RIT2: variants seen among roughly 807,000 people sequenced by gnomAD.
RIT2 encodes the protein Ras like without CAAX 2.
RIT2 carries 24 observed loss-of-function variants against 23.7 expected under a neutral mutation model. The observed-to-expected ratio is 1.01, with a 90% CI of 0.73 to 1.43. RIT2 has a LOEUF of 1.43. Ranked by LOEUF, RIT2 falls within the 40% of genes most tolerant of loss-of-function variation. The probability of loss-of-function intolerance (pLI) is 0.00; values close to 1 mark genes in which losing one functional copy is unlikely to be tolerated. For synonymous variants in RIT2, 107 were observed against 91.1 expected, an observed-to-expected ratio of 1.17 and a Z score of -0.99; for missense variants, 236 against 266.9, an observed-to-expected ratio of 0.88 and a Z score of 0.81.
At chr18:42,947,138 C>T (rs1425598874) in intron 3 of RIT2, among the ~76,000 whole-genome samples, 1 of 152,010 alleles carries the variant, frequency 6.6e-6, no homozygotes, top group African/African-American at 2.4e-5. Flanking sequence ...AGTTCTTAAT[C>T]CAAGCATTTA....
intron 3 of RIT2, among the ~76,000 whole-genome samples, chr18:42,945,848 T>C (rs940593716): frequency 1.3e-5 from 2 of 152,114 alleles, no homozygotes; most frequent in African/African-American, 4.8e-5. Context: ...CAAAAAATAC[T>C]CAAAACAGTA....
chr18:43,077,031 A>C (rs1014470867), intron 1 of RIT2, among the ~76,000 whole-genome samples: 1 of 134,274 alleles, frequency 7.4e-6, no homozygotes, highest in Non-Finnish European at 1.6e-5. Context: ...TGAACCCGGG[A>C]GGCGGAGCTT....
At chr18:42,957,706 C>A (rs1910005089) in intron 3 of RIT2, among the ~76,000 whole-genome samples, 1 of 152,044 alleles carries the variant, frequency 6.6e-6, no homozygotes, top group African/African-American at 2.4e-5. Context: ...ATCGCTTGAA[C>A]CCAGGAGGTG....
At chr18:43,029,707 T>C (rs1911811615) in intron 2 of RIT2, among the ~76,000 whole-genome samples, 1 of 151,962 alleles carries the variant, frequency 6.6e-6, no homozygotes, top group African/African-American at 2.4e-5. Flanking sequence ...CTTTGAACAA[T>C]GCCTGAAACA....
intron 4 of RIT2, among the ~76,000 whole-genome samples, chr18:42,884,837 A>G (rs556325396): frequency 6.6e-6 from 1 of 152,332 alleles, no homozygotes; most frequent in African/African-American, 2.4e-5. Flanking sequence ...ACATAAGACC[A>G]CCATTGGTTT....
At chr18:42,772,496 T>A (rs968459810) in intron 4 of RIT2, among the ~76,000 whole-genome samples, 7 of 152,192 alleles carry the variant, frequency 4.6e-5, no homozygotes, top group African/African-American at 1.7e-4. Flanking sequence ...CTTCTTGAAG[T>A]ATAGGAATCC....
At chr18:43,030,207 A>G (rs1395981269) in intron 2 of RIT2, among the ~76,000 whole-genome samples, 1 of 152,076 alleles carries the variant, frequency 6.6e-6, no homozygotes, top group East Asian at 1.9e-4. Flanking sequence ...AACATTCTAA[A>G]AGAATGCATA....
intron 4 of RIT2, among the ~76,000 whole-genome samples, chr18:42,911,098 T>C (rs1445998161): frequency 6.6e-6 from 1 of 151,882 alleles, no homozygotes; most frequent in East Asian, 1.9e-4. Context: ...CTGACCACAA[T>C]GTATCAAAGA....
rs79062618 is a variant in RIT2, at chr18:43,053,325, G to A, written c.104-19458C>T. On this transcript the variant is annotated intron_variant, in intron 1 of 4. Coordinates refer to ENST00000326695, the MANE Select transcript of RIT2 (RefSeq NM_002930.4). The stretch of plus-strand genomic sequence containing the variant: ...GAGTTTAGGAAACTTGTCCAGAGTG[G>A]TATAATAAGACATGCAACTGGATTT... Among the ~76,000 whole-genome samples the A allele has an allele frequency of 4.5e-3, 688 of 152,070 alleles. 6 individuals are homozygous for A. Among genetic ancestry groups the A allele is most frequent in the African/African-American group, 0.016 (658 of 41,494 alleles).
chr18:42,966,046 AG>A, intron 3 of RIT2, among the ~76,000 whole-genome samples: 1 of 152,244 alleles, frequency 6.6e-6, no homozygotes, highest in Middle Eastern at 3.4e-3. Context: ...TCTGAGCCCC[AG>A]TGTCTTTATT....
chr18:43,063,320 G>A (rs7226914), intron 1 of RIT2, among the ~76,000 whole-genome samples: 2,525 of 152,192 alleles, frequency 0.017, 79 homozygotes, highest in African/African-American at 0.056. Context: ...TTCTATGCCC[G>A]TAGCCTGGTG....
chr18:42,899,108 A>G (rs992821366), intron 4 of RIT2, among the ~76,000 whole-genome samples: 1 of 151,954 alleles, frequency 6.6e-6, no homozygotes. Context: ...TTCACACAAT[A>G]GTTTTAGCAT....
intron 4 of RIT2, among the ~76,000 whole-genome samples, chr18:42,903,537 T>C (rs954817537): frequency 3.3e-5 from 5 of 152,110 alleles, no homozygotes; most frequent in East Asian, 3.9e-4. Flanking sequence ...ACAATTTTTA[T>C]GCTATTTAGA....
At chr18:42,957,695 A>G (rs903137158) in intron 3 of RIT2, among the ~76,000 whole-genome samples, 15 of 152,054 alleles carry the variant, frequency 9.9e-5, no homozygotes, top group African/African-American at 3.4e-4. Flanking sequence ...GGGGCAGGAG[A>G]ATCGCTTGAA....
chr18:43,019,452 T>C (rs1911547411), intron 2 of RIT2, among the ~76,000 whole-genome samples: 1 of 151,810 alleles, frequency 6.6e-6, no homozygotes, highest in Admixed American at 6.6e-5. Flanking sequence ...ATTATCTCAA[T>C]AGATGCAGAA....
At chr18:43,049,366 C>T (rs1428115399) in intron 1 of RIT2, among the ~76,000 whole-genome samples, 1 of 152,128 alleles carries the variant, frequency 6.6e-6, no homozygotes, top group African/African-American at 2.4e-5. Context: ...ACAGCTCTAG[C>T]TCAATTTCTT....
chr18:42,866,070 A>G (rs979496253), intron 4 of RIT2, among the ~76,000 whole-genome samples: 1 of 152,210 alleles, frequency 6.6e-6, no homozygotes, highest in Non-Finnish European at 1.5e-5. Context: ...GTGTAAAGCC[A>G]TCTCACAATA....
chr18:42,854,599 T>C (rs1294179361), intron 4 of RIT2, among the ~76,000 whole-genome samples: 2 of 152,172 alleles, frequency 1.3e-5, no homozygotes, highest in Non-Finnish European at 2.9e-5. Context: ...GAAACAAACA[T>C]AGTTTTATTT....
intron 3 of RIT2, among the ~76,000 whole-genome samples, chr18:42,939,424 T>C (rs553327902): frequency 1.3e-5 from 2 of 152,298 alleles, no homozygotes; most frequent in African/African-American, 4.8e-5. Flanking sequence ...AGAACCAATA[T>C]ACTTTAGCAA....
Sources: allele counts gnomAD v4.1 joint callset (sites outside exome capture counted in the v4.1 genomes callset), GRCh38; gene constraint gnomAD v4.1.1; transcripts MANE v1.5; gene names NCBI Gene and HGNC (gene_info 2026-07-23, HGNC 2026-07-21).